The following CLYBL variants were observed in gnomAD, a reference collection of about 807,000 sequenced individuals.
CLYBL encodes citramalyl-CoA lyase, mitochondrial.
In CLYBL, 31 loss-of-function variants were observed where a neutral mutation model predicts 38.9. That is an observed-to-expected ratio of 0.80 (90% CI 0.60 to 1.08). CLYBL has a LOEUF of 1.08. Ranked by LOEUF, CLYBL falls within the 50% of genes least tolerant of loss-of-function variation. The pLI, the probability that CLYBL is intolerant of heterozygous loss-of-function variation, is 0.00. For synonymous variants in CLYBL, 171 were observed against 158.6 expected (o/e 1.08, Z -0.59); for missense variants, 434 against 411.6 (o/e 1.05, Z -0.47).
chr13:99,701,186 C>G (rs1359396113), intron 1 of CLYBL, among the ~76,000 whole-genome samples: 1 of 152,140 alleles, frequency 6.6e-6, no homozygotes, highest in Non-Finnish European at 1.5e-5. Flanking sequence ...AAATATCCCA[C>G]AACAAAAATA....
At chr13:99,679,360 TAATTA>T (rs2047700429) in intron 1 of CLYBL, among the ~76,000 whole-genome samples, 1 of 151,816 alleles carries the variant, frequency 6.6e-6, no homozygotes, top group Non-Finnish European at 1.5e-5. Flanking sequence ...TTGTATAAGC[TAATTA>T]AATTCTGCCC....
chr13:99,661,370 C>CT (rs1276342569), intron 1 of CLYBL, among the ~76,000 whole-genome samples: 1 of 152,144 alleles, frequency 6.6e-6, no homozygotes, highest in Non-Finnish European at 1.5e-5. Context: ...CAAACAGCTT[C>CT]TTTTTTGTAA....
In CLYBL at chr13:99,865,012, T is replaced by C. The variant is rs2051707325; in HGVS notation, c.634+101T>C. The C allele has an allele frequency of 1.2e-6, 1 of 848,106 alleles. No individual in the cohort carries two copies. Among genetic ancestry groups the C allele is most frequent in the African/African-American group, 1.7e-5 (1 of 60,048 alleles). The allele number at this position is 848,106 out of a possible 1,614,324, so 52.5% of individuals were successfully genotyped here. A position where few individuals can be genotyped will look rare whatever the true frequency, so the allele number is the denominator to read the frequency against. On this transcript the variant is annotated intron_variant, in intron 5 of 8. Transcript: ENST00000339105. This position sits in a 1 kb window ranked among gnomAD's most constrained non-coding sequence, Gnocchi z 4.7. ...TCAAGGATGGACATTTACATAACAA[T>C]GTATATTTGCCAACCATGACAATGG...
chr13:99,679,645 A>T (rs2047705050), intron 1 of CLYBL, among the ~76,000 whole-genome samples: 1 of 151,996 alleles, frequency 6.6e-6, no homozygotes, highest in Admixed American at 6.6e-5. Flanking sequence ...TCTGCAAATG[A>T]CACATCTGTC....
At chr13:99,835,644 A>G (rs141341063) in intron 2 of CLYBL, among the ~76,000 whole-genome samples, 32 of 152,336 alleles carry the variant, frequency 2.1e-4, no homozygotes, top group Non-Finnish European at 1.0e-4. Flanking sequence ...CACATGTGAT[A>G]TCTGCACATC....
At chr13:99,709,384 C>T (rs1024645795) in intron 1 of CLYBL, among the ~76,000 whole-genome samples, 13 of 152,264 alleles carry the variant, frequency 8.5e-5, no homozygotes, top group African/African-American at 3.1e-4. Context: ...CAGCCCTGGC[C>T]GAAGACACAG....
At chr13:99,844,744 G>A (rs892361427) in intron 2 of CLYBL, among the ~76,000 whole-genome samples, 5 of 152,046 alleles carry the variant, frequency 3.3e-5, no homozygotes, top group East Asian at 1.9e-4. Context: ...TTCTCATCTC[G>A]GGTCTACACT....
At chr13:99,662,540 T>C (rs1212398776) in intron 1 of CLYBL, among the ~76,000 whole-genome samples, 3 of 144,042 alleles carry the variant, frequency 2.1e-5, no homozygotes, top group Non-Finnish European at 4.5e-5. Context: ...GGTCAGGCAG[T>C]AATTATAGTG....
At chr13:99,841,812 CTTTTTTTT>C (rs67827288) in intron 2 of CLYBL, among the ~76,000 whole-genome samples, 2 of 105,396 alleles carry the variant, frequency 1.9e-5, no homozygotes, top group African/African-American at 4.2e-5. Context: ...TTTTCTTTTC[CTTTTTTTT>C]TTTTTTTTTT....
At chr13:99,722,776 G>GGACTGTTT (rs1186855434) in intron 1 of CLYBL, among the ~76,000 whole-genome samples, 1 of 152,208 alleles carries the variant, frequency 6.6e-6, no homozygotes, top group Non-Finnish European at 1.5e-5. Context: ...CAGAACAATA[G>GGACTGTTT]GACTGTTTAA....
chr13:99,720,433 C>T (rs1047099192), intron 1 of CLYBL, among the ~76,000 whole-genome samples: 1 of 152,026 alleles, frequency 6.6e-6, no homozygotes, highest in African/African-American at 2.4e-5. Context: ...ATTGCTGGCT[C>T]ATTTAGATTT....
chr13:99,788,801 G>A (rs2049854814), intron 2 of CLYBL, among the ~76,000 whole-genome samples: 1 of 152,162 alleles, frequency 6.6e-6, no homozygotes, highest in African/African-American at 2.4e-5. Context: ...TGTACCTCTG[G>A]TAGAGTTTGG....
chr13:99,765,685 A>T (rs1159186212), intron 1 of CLYBL, among the ~76,000 whole-genome samples: 1 of 152,004 alleles, frequency 6.6e-6, no homozygotes, highest in East Asian at 1.9e-4. Flanking sequence ...CTGGGACAAC[A>T]GGCACGTGCC....
intron 3 of CLYBL, among the ~76,000 whole-genome samples, chr13:99,860,122 T>C (rs1428229617): frequency 2.6e-5 from 4 of 152,148 alleles, no homozygotes; most frequent in African/African-American, 9.7e-5. Context: ...CCAGCACAAA[T>C]GGAGATGTGC....
At chr13:99,780,657 T>G (rs563563454) in intron 2 of CLYBL, among the ~76,000 whole-genome samples, 1 of 151,768 alleles carries the variant, frequency 6.6e-6, no homozygotes, top group African/African-American at 2.4e-5. Flanking sequence ...ATTACAGGCA[T>G]GAGCCACCAT....
At chr13:99,645,290 A>T (rs1473026632) in intron 1 of CLYBL, among the ~76,000 whole-genome samples, 1 of 152,050 alleles carries the variant, frequency 6.6e-6, no homozygotes, top group Non-Finnish European at 1.5e-5. Context: ...AGGTCAGGAG[A>T]TCGAGACCAT....
At chr13:99,622,527 T>A (rs565656900) in intron 1 of CLYBL, among the ~76,000 whole-genome samples, 1 of 152,244 alleles carries the variant, frequency 6.6e-6, no homozygotes, top group Non-Finnish European at 1.5e-5. Flanking sequence ...CAAACAATCC[T>A]GTGAAAAAGG....
intron 1 of CLYBL, among the ~76,000 whole-genome samples, chr13:99,664,787 A>G (rs1013531334): frequency 6.6e-6 from 1 of 152,216 alleles, no homozygotes; most frequent in Non-Finnish European, 1.5e-5. Flanking sequence ...TCTCTATAAA[A>G]TATGACCAAA....
chr13:99,860,014 C>T lies in CLYBL; in HGVS notation c.438+965C>T, dbSNP rs139054361. ...ATACCCTGAGTTGTTGTAACACCTA[C>T]GAAACTGCTCACCTGCTGAATGCAC... On this transcript the variant is annotated intron_variant, in intron 3 of 8. Transcript: ENST00000339105. 5.3e-3 allele frequency among the ~76,000 whole-genome samples: 809 copies of T among 152,198 alleles called. 5 individuals carry two copies. Among genetic ancestry groups the T allele is most frequent in the Non-Finnish European group, 0.01 (681 of 68,004 alleles).
Sources: allele counts gnomAD v4.1 joint callset (sites outside exome capture counted in the v4.1 genomes callset), GRCh38; gene constraint gnomAD v4.1.1; non-coding constraint Gnocchi (gnomAD v3.1); transcripts MANE v1.5; gene names NCBI Gene and HGNC (gene_info 2026-07-23, HGNC 2026-07-21).